Variants in FLT1 observed in about 807,000 individuals in gnomAD.
The protein encoded by FLT1 is vascular endothelial growth factor receptor 1.
FLT1 carries 49 observed loss-of-function variants against 156.3 expected under a neutral mutation model. That is an observed-to-expected ratio of 0.31 (90% CI 0.25 to 0.40). The LOEUF (loss-of-function observed/expected upper bound fraction) is 0.40, where lower values mean the gene tolerates loss of function less well. Ranked by LOEUF, FLT1 falls within the 10% of genes least tolerant of loss-of-function variation. The pLI is 1.00. For missense variants in FLT1, 1,322 were observed against 1,637.2 expected (o/e 0.81, Z 3.32); for synonymous variants, 594 against 583.8 (o/e 1.02, Z -0.25).
chr13:28,465,703 A>T (rs955647756), intron 3 of FLT1, among the ~76,000 whole-genome samples: 2 of 152,082 alleles, frequency 1.3e-5, no homozygotes, highest in African/African-American at 4.8e-5. Context: ...ATTAGCCAGG[A>T]GTGGTGGCAG....
intron 14 of FLT1, among the ~76,000 whole-genome samples, chr13:28,379,771 T>C (rs1486732828): frequency 6.6e-6 from 1 of 152,192 alleles, no homozygotes; most frequent in Non-Finnish European, 1.5e-5. Flanking sequence ...CTACTCAGCT[T>C]TTATAACACT....
chr13:28,388,475 AT>A (rs1874506100), intron 13 of FLT1: 1 of 1,039,652 alleles, frequency 9.6e-7, no homozygotes, highest in Non-Finnish European at 1.2e-6. Flanking sequence ...TAAATAGTTT[AT>A]GCAAGTCACA....
intron 25 of FLT1, among the ~76,000 whole-genome samples, chr13:28,316,111 A>ACAC (rs1420651624): frequency 6.6e-6 from 1 of 152,176 alleles, no homozygotes; most frequent in African/African-American, 2.4e-5. Context: ...TCTGATGAGG[A>ACAC]CACCACGCAC....
intron 10 of FLT1, among the ~76,000 whole-genome samples, chr13:28,421,149 C>A (rs1025667440): frequency 6.6e-6 from 1 of 152,000 alleles, no homozygotes; most frequent in African/African-American, 2.4e-5. Context: ...TTGAGAATGG[C>A]GGGAAACATT....
intron 14 of FLT1, among the ~76,000 whole-genome samples, chr13:28,375,255 C>T (rs930545312): frequency 1.3e-5 from 2 of 152,220 alleles, no homozygotes; most frequent in African/African-American, 4.8e-5. Flanking sequence ...TGGAACTTTA[C>T]TCATGGATTA....
At chr13:28,373,104 C>T (rs1226911893) in intron 14 of FLT1, among the ~76,000 whole-genome samples, 1 of 152,082 alleles carries the variant, frequency 6.6e-6, no homozygotes, top group Non-Finnish European at 1.5e-5. Flanking sequence ...TGACAATTTA[C>T]AATTTTAGAT....
chr13:28,371,006 A>G (rs1873538725), intron 14 of FLT1, among the ~76,000 whole-genome samples: 1 of 152,244 alleles, frequency 6.6e-6, no homozygotes, highest in African/African-American at 2.4e-5. Context: ...TACATAAGTT[A>G]TGGGAATACA....
At position 28,324,212 on chromosome 13, in the gene FLT1, A is replaced by G. The variant is rs114837963; in HGVS notation, c.2797-1266T>C. Among the ~76,000 whole-genome samples, 1,437 of 152,290 alleles carry G rather than the reference A, an allele frequency of 9.4e-3. 22 individuals carry two copies. The highest frequency in any genetic ancestry group is 0.032 in the African/African-American group (1,340 of 41,570). On this transcript the variant is annotated intron_variant, in intron 20 of 29. Coordinates refer to ENST00000282397, the MANE Select transcript of FLT1 (RefSeq NM_002019.4). ...CTTTCAGTGGCTTTATAACAAGACC[A>G]TGTTTGTAGCCTAGATTCTGCTAGA...
chr13:28,345,961 T>TAAAAAAAAAAAA (rs575637976), intron 15 of FLT1: 1 of 123,264 alleles, frequency 8.1e-6, no homozygotes. Flanking sequence ...GAGGAAATTC[T>TAAAAAAAAAAAA]AAAAAAAAAA....
intron 1 of FLT1, among the ~76,000 whole-genome samples, chr13:28,489,565 A>T (rs1486348843): frequency 1.3e-5 from 2 of 152,206 alleles, no homozygotes; most frequent in Admixed American, 6.5e-5. Context: ...GCTCCCAGAG[A>T]TGGTGATTAC....
At chr13:28,374,285 T>C (rs1436373427) in intron 14 of FLT1, among the ~76,000 whole-genome samples, 2 of 151,906 alleles carry the variant, frequency 1.3e-5, no homozygotes, top group Non-Finnish European at 2.9e-5. Flanking sequence ...TATGGTGGCA[T>C]GTGACTATAG....
chr13:28,491,663 A>T (rs1881476356), intron 1 of FLT1, among the ~76,000 whole-genome samples: 2 of 152,230 alleles, frequency 1.3e-5, no homozygotes, highest in Non-Finnish European at 2.9e-5. Context: ...TCATCCTAAC[A>T]GCCCCAGCAT....
chr13:28,424,894 T>C (rs1877250425), intron 10 of FLT1, among the ~76,000 whole-genome samples: 1 of 152,234 alleles, frequency 6.6e-6, no homozygotes, highest in African/African-American at 2.4e-5. Flanking sequence ...CAACTGAATC[T>C]AAGTTAGTCT....
At chr13:28,347,039 C>G (rs927160330) in intron 15 of FLT1, among the ~76,000 whole-genome samples, 1 of 152,142 alleles carries the variant, frequency 6.6e-6, no homozygotes, top group African/African-American at 2.4e-5. Flanking sequence ...CAAACCTAAC[C>G]AAGAGACTTA....
chr13:28,305,565 G>T (rs533872477), intron 29 of FLT1, among the ~76,000 whole-genome samples: 2 of 152,082 alleles, frequency 1.3e-5, no homozygotes, highest in African/African-American at 4.8e-5. Flanking sequence ...GCATCTTTTC[G>T]TGTACTCACT....
At chr13:28,411,180 G>A (rs186682265) in intron 10 of FLT1, among the ~76,000 whole-genome samples, 9 of 152,002 alleles carry the variant, frequency 5.9e-5, no homozygotes, top group Admixed American at 3.9e-4. Context: ...ATTCTAGTTC[G>A]TTTTGGTCAT....
chr13:28,388,966 C>G, intron 13 of FLT1: 1 of 1,064,908 alleles, frequency 9.4e-7, no homozygotes, highest in East Asian at 5.0e-5. Flanking sequence ...CTAGGCTAGT[C>G]TACTGTGGCA....
intron 7 of FLT1, 81 bp from the exon 8 acceptor site, chr13:28,430,248 G>GTAATC: frequency 1.1e-6 from 1 of 929,386 alleles, no homozygotes; most frequent in South Asian, 1.3e-5. Context: ...CAGGGAGGGT[G>GTAATC]TAATCAATGA....
intron 14 of FLT1, among the ~76,000 whole-genome samples, chr13:28,382,669 A>G (rs1874127866): frequency 6.6e-6 from 1 of 152,182 alleles, no homozygotes; most frequent in African/African-American, 2.4e-5. Flanking sequence ...GGAAGCAGAG[A>G]AAGGAATGGA....
Sources: gnomAD v4.1 joint callset for allele counts (sites outside exome capture counted in the v4.1 genomes callset) on GRCh38, gnomAD v4.1.1 for gene constraint, MANE v1.5 for transcripts, NCBI Gene and HGNC (gene_info 2026-07-23, HGNC 2026-07-21) for gene names.